SOX6: variants seen among roughly 807,000 people sequenced by gnomAD.
SOX6 encodes the protein transcription factor SOX-6.
A neutral mutation model predicts 97.8 loss-of-function variants in SOX6; 11 were observed. The observed-to-expected ratio is 0.11, with a 90% confidence interval of 0.07 to 0.19. The LOEUF (loss-of-function observed/expected upper bound fraction) is 0.19, where lower values mean the gene tolerates loss of function less well. Among genes scored for constraint, SOX6 ranks in the 10% least tolerant of loss-of-function variants. The pLI, the probability that SOX6 is intolerant of heterozygous loss-of-function variation, is 1.00. For missense variants in SOX6, 810 were observed against 1,039.5 expected (o/e 0.78, Z 3.04); for synonymous variants, 360 against 371.4 (o/e 0.97, Z 0.35).
chr11:16,339,941 C>T (rs1283517655), intron 2 of SOX6, among the ~76,000 whole-genome samples: 1 of 152,020 alleles, frequency 6.6e-6, no homozygotes, highest in Non-Finnish European at 1.5e-5. Context: ...TCGAATTGTA[C>T]AATTTTGATC....
chr11:16,347,285 CTT>C (rs1326050059), intron 1 of SOX6, among the ~76,000 whole-genome samples: 1 of 152,092 alleles, frequency 6.6e-6, no homozygotes, highest in Middle Eastern at 3.2e-3. Context: ...TCTATCTATA[CTT>C]TTTGCTTGAT....
At chr11:16,143,667 C>A (rs1850210477) in intron 6 of SOX6, among the ~76,000 whole-genome samples, 1 of 151,850 alleles carries the variant, frequency 6.6e-6, no homozygotes, top group East Asian at 1.9e-4. Context: ...ATCTACCAAG[C>A]AAATGGAAAA....
chr11:16,508,371 GA>G (rs746931489), intron 4 of SOX6, among the ~76,000 whole-genome samples: 45 of 152,160 alleles, frequency 3.0e-4, no homozygotes, highest in Non-Finnish European at 6.0e-4. Flanking sequence ...CAAAGGAAAG[GA>G]AATCAGTATA....
At chr11:16,369,444 A>T (rs1857446036) in intron 1 of SOX6, among the ~76,000 whole-genome samples, 1 of 152,154 alleles carries the variant, frequency 6.6e-6, no homozygotes, top group Non-Finnish European at 1.5e-5. Flanking sequence ...GTTCCATGAG[A>T]ACTGAAAAGT....
At chr11:16,155,313 C>A (rs185683902) in intron 6 of SOX6, among the ~76,000 whole-genome samples, 1 of 152,232 alleles carries the variant, frequency 6.6e-6, no homozygotes, top group East Asian at 1.9e-4. Flanking sequence ...AACTGTATGA[C>A]CTTGGACAAA....
intron 3 of SOX6, among the ~76,000 whole-genome samples, chr11:16,281,252 G>T (rs1389648098): frequency 2.0e-5 from 3 of 151,922 alleles, no homozygotes; most frequent in African/African-American, 7.2e-5. Flanking sequence ...ATTGCTTTTG[G>T]TCGTGTATGT....
chr11:16,689,385 G>C (rs1201380215), intron 3 of SOX6, among the ~76,000 whole-genome samples: 2 of 152,174 alleles, frequency 1.3e-5, no homozygotes, highest in Non-Finnish European at 2.9e-5. Context: ...ACTCTCTCAA[G>C]GTTGTAAGCT....
At chr11:16,703,910 C>T (rs1848112601) in intron 3 of SOX6, among the ~76,000 whole-genome samples, 1 of 152,144 alleles carries the variant, frequency 6.6e-6, no homozygotes, top group African/African-American at 2.4e-5. Context: ...GTGAAATGTC[C>T]TGTCTTACCA....
At chr11:16,568,029 G>A (rs573923166) in intron 4 of SOX6, among the ~76,000 whole-genome samples, 105 of 151,990 alleles carry the variant, frequency 6.9e-4, no homozygotes, top group African/African-American at 2.4e-3. Context: ...TGACACTTTC[G>A]CTTTCTGATG....
At chr11:16,685,135 G>C (rs889231388) in intron 3 of SOX6, among the ~76,000 whole-genome samples, 6 of 152,066 alleles carry the variant, frequency 3.9e-5, no homozygotes, top group Non-Finnish European at 7.4e-5. Context: ...GGATTTGGTG[G>C]TGACATATAT....
At chr11:16,577,240 C>A (rs1847992779) in intron 4 of SOX6, 1 of 152,134 alleles carries the variant, frequency 6.6e-6, no homozygotes, top group Non-Finnish European at 1.5e-5. Flanking sequence ...TACATTATTT[C>A]ATTTATTAAA....
rs541525702 is a variant in SOX6 at position 16,531,037 on chromosome 11, CAGAT to C, written n.610-54653_610-54650del. Among the ~76,000 whole-genome samples the C allele has an allele frequency of 8.2e-3, 1,212 of 146,956 alleles. 14 individuals carry two copies. The highest frequency in any genetic ancestry group is 0.028 in the African/African-American group (1,142 of 40,290). On this transcript the variant is annotated intron_variant and non_coding_transcript_variant, in intron 4 of 5. Transcript: ENST00000524520. ...CTATATATATATATATGTTCCTCTA[CAGAT>C]AGATAGATATACATCTCTATATAGA...
At chr11:16,261,728 A>C (rs959126115) in intron 3 of SOX6, among the ~76,000 whole-genome samples, 4 of 152,052 alleles carry the variant, frequency 2.6e-5, no homozygotes, top group Non-Finnish European at 5.9e-5. Context: ...CATTTCTGTC[A>C]GAGTTAAGGT....
intron 2 of SOX6, among the ~76,000 whole-genome samples, chr11:16,717,955 T>C (rs943202848): frequency 2.9e-5 from 3 of 101,746 alleles, no homozygotes; most frequent in Non-Finnish European, 7.4e-5. Flanking sequence ...CTGTTTTTCT[T>C]TTTTTTTTTT....
In SOX6 at chr11:16,141,651, G is replaced by A. The variant is rs540228526; in HGVS notation, c.778-29728C>T. ...TATGACAGACAGCACCTGGAAAATC[G>A]GGTCACTCCCACCATTTTCCAATGG... On this transcript the variant is annotated intron_variant, in intron 6 of 15. Coordinates refer to ENST00000683767, the MANE Select transcript of SOX6 (RefSeq NM_001367873.1). Among the ~76,000 whole-genome samples the A allele has an allele frequency of 7.9e-5, 12 of 152,226 alleles. No homozygotes were observed. The South Asian group carries it at 1.0e-3, about 13-fold the overall frequency.
At chr11:16,208,618 T>C (rs1200730738) in intron 4 of SOX6, among the ~76,000 whole-genome samples, 1 of 152,246 alleles carries the variant, frequency 6.6e-6, no homozygotes. Flanking sequence ...AAGTGAGCTT[T>C]TCACTTGAAG....
intron 13 of SOX6, among the ~76,000 whole-genome samples, chr11:16,011,128 C>T (rs1013503505): frequency 1.3e-5 from 2 of 152,016 alleles, no homozygotes; most frequent in Non-Finnish European, 2.9e-5. Flanking sequence ...ATAAGAATTG[C>T]ACTCTTGCCT....
intron 4 of SOX6, among the ~76,000 whole-genome samples, chr11:16,547,516 T>C (rs1847635238): frequency 6.6e-6 from 1 of 152,084 alleles, no homozygotes; most frequent in Non-Finnish European, 1.5e-5. Context: ...CTTGAGGTCA[T>C]TATGTTAAGT....
At chr11:16,505,882 A>G (rs1860777875) in intron 4 of SOX6, among the ~76,000 whole-genome samples, 1 of 152,232 alleles carries the variant, frequency 6.6e-6, no homozygotes, top group Non-Finnish European at 1.5e-5. Context: ...AGGTGGGCAG[A>G]GGGCAAGAGT....
Sources: allele counts gnomAD v4.1 joint callset (sites outside exome capture counted in the v4.1 genomes callset), GRCh38; gene constraint gnomAD v4.1.1; transcripts MANE v1.5; gene names NCBI Gene and HGNC (gene_info 2026-07-23, HGNC 2026-07-21).